Variants in DMD observed in about 807,000 individuals in gnomAD.
The protein encoded by DMD is dystrophin.
DMD carries 63 observed loss-of-function variants against 330.1 expected under a neutral mutation model. The ratio of observed to expected loss-of-function variants is 0.19; its 90% CI spans 0.16 to 0.24. The LOEUF (loss-of-function observed/expected upper bound fraction) is 0.24. DMD is among the 10% of genes least tolerant of loss of function. DMD has a pLI of 1.00. For missense variants in DMD, 3,344 were observed against 2,684.1 expected (o/e 1.25, Z -5.43); for synonymous variants, 1,223 against 959.8 (o/e 1.27, Z -5.07).
rs758551835 is a variant in DMD, at chrX:32,586,356, A to G, written c.1602+9401T>C. Among the ~76,000 whole-genome samples, 19 of 109,074 alleles carry G rather than the reference A, an allele frequency of 1.7e-4. No homozygotes were observed. In the East Asian group the frequency reaches 4.3e-3, roughly 25 times the overall value. The allele number at this position is 109,074 out of a possible 115,157, so 94.7% of individuals were successfully genotyped here. On this transcript the variant is annotated intron_variant, in intron 13 of 78. Coordinates refer to ENST00000357033, the MANE Select transcript of DMD (RefSeq NM_004006.3). ...GCTTATATAAACTATATACATATATAAACCATTCTCTTCTAGAACAGTGTT... is the reference window on the plus strand; with the variant it reads ...GCTTATATAAACTATATACATATATGAACCATTCTCTTCTAGAACAGTGTT...
chrX:32,730,364 A>T (rs773267898), intron 7 of DMD, among the ~76,000 whole-genome samples: 128 of 112,009 alleles, frequency 1.1e-3, no homozygotes, highest in Admixed American at 8.5e-3. Context: ...AATAAAATGT[A>T]ATGGTGCCAT....
chrX:33,039,919 G>C (rs912535145), intron 1 of DMD, among the ~76,000 whole-genome samples: 2 of 110,930 alleles, frequency 1.8e-5, no homozygotes, highest in Non-Finnish European at 3.8e-5. Context: ...ACAAGGCAAC[G>C]AGGTGAGCCA....
intron 4 of DMD, among the ~76,000 whole-genome samples, chrX:32,836,053 G>C (rs938507711): frequency 3.2e-4 from 35 of 109,098 alleles, no homozygotes; most frequent in Non-Finnish European, 6.1e-4. Flanking sequence ...TTTTTTTGGA[G>C]ACAAGTCTTG....
At chrX:33,264,294 C>T (rs1485463257) in intron 1 of DMD, among the ~76,000 whole-genome samples, 2 of 110,739 alleles carry the variant, frequency 1.8e-5, no homozygotes, top group Admixed American at 1.9e-4. Context: ...CTTCATGTAC[C>T]TTTCAAGGGA....
chrX:31,150,040 G>A (rs954054385), intron 74 of DMD, among the ~76,000 whole-genome samples: 2 of 111,837 alleles, frequency 1.8e-5, no homozygotes, highest in Non-Finnish European at 3.8e-5. Flanking sequence ...TGGAAAGATG[G>A]AGTCTCTAAA....
chrX:32,800,340 G>A (rs2076459897), intron 7 of DMD, among the ~76,000 whole-genome samples: 1 of 111,543 alleles, frequency 9.0e-6, no homozygotes, highest in South Asian at 3.7e-4. Context: ...ATGGTGTTCT[G>A]TCTTTTGTGA....
At chrX:32,585,537 G>A (rs1201817145) in intron 13 of DMD, among the ~76,000 whole-genome samples, 1 of 106,203 alleles carries the variant, frequency 9.4e-6, no homozygotes, top group Non-Finnish European at 1.9e-5. Context: ...CATCTCTACA[G>A]AAAATACAAA....
chrX:32,415,321 C>T (rs1456404492), intron 29 of DMD, among the ~76,000 whole-genome samples: 1 of 111,923 alleles, frequency 8.9e-6, no homozygotes, highest in Non-Finnish European at 1.9e-5. Flanking sequence ...GCAGAGTTGA[C>T]TTCGGGTGGG....
rs144887334 is a variant in DMD at position 32,073,885 on chromosome X, T to C, written c.6439-105371A>G. On this transcript the variant is annotated intron_variant, in intron 44 of 78. Coordinates refer to ENST00000357033, the MANE Select transcript of DMD (RefSeq NM_004006.3). ...TTGGCATAGCAATTATCTGATCTTA[T>C]AAGGTTAAAAATATGAGAACATTTT... Among the ~76,000 whole-genome samples, 54 of 111,567 alleles carry C rather than the reference T, an allele frequency of 4.8e-4. 1 individual carries two copies. In the East Asian group the frequency reaches 0.015, roughly 31 times the overall value.
chrX:33,037,536 T>C (rs1670963673), intron 1 of DMD, among the ~76,000 whole-genome samples: 1 of 111,582 alleles, frequency 9.0e-6, no homozygotes, highest in African/African-American at 3.3e-5. Context: ...TTTCAATTCA[T>C]GCCAATTATA....
At chrX:32,130,872 T>C (rs1387705154) in intron 44 of DMD, among the ~76,000 whole-genome samples, 5 of 112,067 alleles carry the variant, frequency 4.5e-5, no homozygotes, top group African/African-American at 1.3e-4. Flanking sequence ...ATAAGACATA[T>C]TGATATTTAA....
intron 29 of DMD, among the ~76,000 whole-genome samples, chrX:32,424,354 T>C (rs1311412370): frequency 9.0e-6 from 1 of 111,447 alleles, no homozygotes; most frequent in African/African-American, 3.3e-5. Context: ...ATATCCATTA[T>C]TAACACACTA....
chrX:32,325,139 C>T (rs12394425), intron 41 of DMD, among the ~76,000 whole-genome samples: 6,094 of 109,990 alleles, frequency 0.055, 390 homozygotes, highest in African/African-American at 0.18. Context: ...TAAGAATGAA[C>T]AGTATATGGA....
chrX:32,296,917 C>T (rs2097499091), intron 42 of DMD, among the ~76,000 whole-genome samples: 1 of 111,471 alleles, frequency 9.0e-6, no homozygotes, highest in Non-Finnish European at 1.9e-5. Flanking sequence ...CTAATGGTTT[C>T]TCAGTTTTCA....
chrX:32,514,610 G>A (rs369790883), intron 18 of DMD, among the ~76,000 whole-genome samples: 1,454 of 111,836 alleles, frequency 0.013, 7 homozygotes, highest in South Asian at 0.026. Flanking sequence ...GTGTGGTGGC[G>A]GGCGCCTGTA....
intron 18 of DMD, among the ~76,000 whole-genome samples, chrX:32,514,224 T>C (rs1277750502): frequency 2.6e-5 from 2 of 76,251 alleles, no homozygotes. Flanking sequence ...CCTCTTCCAC[T>C]AAGGCAGGTG....
chrX:31,606,813 A>G, intron 55 of DMD, among the ~76,000 whole-genome samples: 1 of 112,086 alleles, frequency 8.9e-6, no homozygotes, highest in Non-Finnish European at 1.9e-5. Context: ...TCCATTTTAA[A>G]TTGCAGTCTT....
At chrX:31,583,541 G>A (rs1272558161) in intron 55 of DMD, among the ~76,000 whole-genome samples, 1 of 111,115 alleles carries the variant, frequency 9.0e-6, no homozygotes, top group Non-Finnish European at 1.9e-5. Flanking sequence ...CACGGTAGGA[G>A]TAATAGCCAG....
chrX:31,491,508 C>T (rs183168885), intron 57 of DMD, among the ~76,000 whole-genome samples: 2 of 112,463 alleles, frequency 1.8e-5, no homozygotes, highest in African/African-American at 3.2e-5. Flanking sequence ...ATTCAAAAGA[C>T]ATAAAAATTG....
Sources: allele counts gnomAD v4.1 joint callset (sites outside exome capture counted in the v4.1 genomes callset), GRCh38; gene constraint gnomAD v4.1.1; transcripts MANE v1.5; gene names NCBI Gene and HGNC (gene_info 2026-07-23, HGNC 2026-07-21).